DPYD: variants seen among roughly 807,000 people sequenced by gnomAD.
DPYD encodes dihydropyrimidine dehydrogenase.
In DPYD, 109 loss-of-function variants were observed where a neutral mutation model predicts 116.2. The ratio of observed to expected loss-of-function variants is 0.94; its 90% CI spans 0.80 to 1.10. The LOEUF (loss-of-function observed/expected upper bound fraction) is 1.10, where lower values mean the gene tolerates loss of function less well. DPYD is among the 50% of genes least tolerant of loss of function. The probability of loss-of-function intolerance (pLI) is 0.00; values close to 1 mark genes in which losing one functional copy is unlikely to be tolerated. For missense variants in DPYD, 1,302 were observed against 1,254.5 expected, an observed-to-expected ratio of 1.04 and a Z score of -0.57; for synonymous variants, 440 against 432.0, an observed-to-expected ratio of 1.02 and a Z score of -0.23.
At chr1:97,583,840 T>A (rs942843954) in intron 10 of DPYD, among the ~76,000 whole-genome samples, 6 of 152,152 alleles carry the variant, frequency 3.9e-5, no homozygotes, top group Non-Finnish European at 7.4e-5. Flanking sequence ...TGGTTCCAAG[T>A]CTTTGCTATT....
At chr1:97,719,641 A>G in intron 5 of DPYD, 1 of 935,692 alleles carries the variant, frequency 1.1e-6, no homozygotes, top group South Asian at 4.9e-5. Flanking sequence ...TAACTTCCTA[A>G]TAACTTTGAC....
At chr1:97,364,349 C>T (rs1187874027) in intron 16 of DPYD, among the ~76,000 whole-genome samples, 1 of 152,056 alleles carries the variant, frequency 6.6e-6, no homozygotes, top group East Asian at 1.9e-4. Context: ...TGCAACCTAT[C>T]TATGAGGACT....
At chr1:97,379,497 T>G (rs1415683) in intron 15 of DPYD, among the ~76,000 whole-genome samples, 40,111 of 152,064 alleles carry the variant, frequency 0.26, 5,499 homozygotes, top group South Asian at 0.43. Context: ...CCCAGTCCCT[T>G]TTGCTATCTT....
At chr1:97,689,161 A>G (rs546604969) in intron 7 of DPYD, among the ~76,000 whole-genome samples, 11 of 151,768 alleles carry the variant, frequency 7.2e-5, no homozygotes, top group Non-Finnish European at 1.6e-4. Flanking sequence ...TTCTCTTGTA[A>G]CATGATATTT....
chr1:97,496,920 T>G (rs1166549167), intron 13 of DPYD, among the ~76,000 whole-genome samples: 7 of 151,722 alleles, frequency 4.6e-5, no homozygotes, highest in Admixed American at 4.6e-4. Context: ...AATACAATGC[T>G]AAGGGGGCCA....
chr1:97,764,740 C>T (rs1486438863), intron 3 of DPYD, among the ~76,000 whole-genome samples: 2 of 152,010 alleles, frequency 1.3e-5, no homozygotes, highest in African/African-American at 2.4e-5. Flanking sequence ...AATAGCTTCA[C>T]CATATTTTAC....
At chr1:97,743,261 T>C (rs1664366079) in intron 3 of DPYD, among the ~76,000 whole-genome samples, 1 of 152,090 alleles carries the variant, frequency 6.6e-6, no homozygotes, top group Admixed American at 6.6e-5. Context: ...CTTTTTCCTT[T>C]GGTGTCATGA....
At chr1:97,231,594 C>T (rs1156666287) in intron 19 of DPYD, among the ~76,000 whole-genome samples, 1 of 152,138 alleles carries the variant, frequency 6.6e-6, no homozygotes, top group Non-Finnish European at 1.5e-5. Flanking sequence ...CATGATTTAA[C>T]TACCTCCCAC....
chr1:97,588,821 T>C (rs1174073318), intron 10 of DPYD, among the ~76,000 whole-genome samples: 2 of 152,216 alleles, frequency 1.3e-5, no homozygotes, highest in Non-Finnish European at 2.9e-5. Context: ...AATATGCTGA[T>C]GATGCCTGCA....
chr1:97,131,041 AT>A (rs779691219), intron 20 of DPYD, among the ~76,000 whole-genome samples: 10 of 152,174 alleles, frequency 6.6e-5, no homozygotes, highest in Non-Finnish European at 1.0e-4. Context: ...ATAAATGAAT[AT>A]GCTAGTAAGT....
chr1:97,853,972 A>G (rs1048617707), intron 2 of DPYD, among the ~76,000 whole-genome samples: 2 of 152,250 alleles, frequency 1.3e-5, no homozygotes, highest in Non-Finnish European at 2.9e-5. Context: ...TTCTTATAGG[A>G]ACAGAATTAA....
intron 3 of DPYD, among the ~76,000 whole-genome samples, chr1:97,806,765 A>C (rs1029906972): frequency 6.6e-6 from 1 of 151,960 alleles, no homozygotes; most frequent in Non-Finnish European, 1.5e-5. Flanking sequence ...CTATCATGAT[A>C]GTATCATACG....
chr1:97,869,370 G>C lies in DPYD; in HGVS notation c.150+13894C>G, dbSNP rs894417978. ...ATAAATATTCCTATCTTCTAGGAAA[G>C]AATCCTATAAATAAGAAATATAATA... On this transcript the variant is annotated intron_variant, in intron 2 of 22. Transcript: ENST00000370192. 3.9e-4 allele frequency among the ~76,000 whole-genome samples: 59 copies of C among 151,742 alleles called. 1 individual carries two copies. Among genetic ancestry groups the C allele is most frequent in the Admixed American group, 3.6e-3 (54 of 15,176 alleles).
chr1:97,448,525 C>T (rs772658617), intron 14 of DPYD, among the ~76,000 whole-genome samples: 3 of 151,840 alleles, frequency 2.0e-5, no homozygotes, highest in Non-Finnish European at 4.4e-5. Context: ...ATATTATAAC[C>T]ATTATTATTA....
intron 8 of DPYD, among the ~76,000 whole-genome samples, chr1:97,604,089 G>A (rs1277212359): frequency 1.3e-5 from 2 of 152,086 alleles, no homozygotes; most frequent in Admixed American, 6.6e-5. Flanking sequence ...TAGCAAACGC[G>A]CTTGTGACTC....
At chr1:97,560,321 T>C (rs1652051216) in intron 11 of DPYD, among the ~76,000 whole-genome samples, 1 of 152,046 alleles carries the variant, frequency 6.6e-6, no homozygotes, top group African/African-American at 2.4e-5. Flanking sequence ...TCAACAAGTA[T>C]TAAATACAAA....
chr1:97,475,563 C>T (rs1419433561), intron 13 of DPYD, among the ~76,000 whole-genome samples: 1 of 152,210 alleles, frequency 6.6e-6, no homozygotes, highest in East Asian at 1.9e-4. Flanking sequence ...GGCCTTTCCT[C>T]TAGCCCTGGG....
At chr1:97,758,889 C>A (rs1190560476) in intron 3 of DPYD, among the ~76,000 whole-genome samples, 2 of 152,150 alleles carry the variant, frequency 1.3e-5, no homozygotes, top group Non-Finnish European at 2.9e-5. Context: ...GAGTTTATAT[C>A]CTGTCCCTGC....
chr1:97,484,182 G>A (rs551228029), intron 13 of DPYD, among the ~76,000 whole-genome samples: 11 of 152,182 alleles, frequency 7.2e-5, no homozygotes, highest in Admixed American at 1.3e-4. Context: ...GCTTGTGCCA[G>A]TAATCCCAGC....
Sources: gnomAD v4.1 joint callset for allele counts (sites outside exome capture counted in the v4.1 genomes callset) on GRCh38, gnomAD v4.1.1 for gene constraint, MANE v1.5 for transcripts, NCBI Gene and HGNC (gene_info 2026-07-23, HGNC 2026-07-21) for gene names.